The following CACNA2D1 variants were observed in gnomAD, a reference collection of about 807,000 sequenced individuals.
CACNA2D1 encodes the protein calcium voltage-gated channel auxiliary subunit alpha2delta 1.
Under a neutral mutation model 171.5 loss-of-function variants are expected in CACNA2D1, and 53 were observed. The ratio of observed to expected loss-of-function variants is 0.31; its 90% CI spans 0.25 to 0.39. CACNA2D1 has a LOEUF of 0.39. Among genes scored for constraint, CACNA2D1 ranks in the 10% least tolerant of loss-of-function variants. CACNA2D1 has a pLI of 1.00. For missense variants in CACNA2D1, 903 were observed against 1,299.8 expected (o/e 0.69, Z 4.69); for synonymous variants, 442 against 443.1 (o/e 1.00, Z 0.03).
intron 5 of CACNA2D1, among the ~76,000 whole-genome samples, chr7:82,123,340 C>T (rs1789961754): frequency 6.6e-6 from 1 of 152,132 alleles, no homozygotes; most frequent in African/African-American, 2.4e-5. Context: ...TCAGCAGAAA[C>T]TTAGGACTCA....
intron 7 of CACNA2D1, among the ~76,000 whole-genome samples, chr7:82,082,601 A>G (rs1206619593): frequency 1.3e-5 from 2 of 151,790 alleles, no homozygotes. Flanking sequence ...AGGAAAGCAC[A>G]TCAAACAAGA....
chr7:82,101,754 G>A (rs956247495), intron 6 of CACNA2D1, among the ~76,000 whole-genome samples: 2 of 151,946 alleles, frequency 1.3e-5, no homozygotes, highest in South Asian at 2.1e-4. Context: ...GCTTCTTTCC[G>A]TTTTTTACCG....
intron 3 of CACNA2D1, among the ~76,000 whole-genome samples, chr7:82,187,844 C>T (rs1407640567): frequency 6.6e-6 from 1 of 152,008 alleles, no homozygotes; most frequent in Non-Finnish European, 1.5e-5. Context: ...CTGGGAAGTC[C>T]AAGATCAAGG....
chr7:82,008,583 C>T (rs73705438), intron 15 of CACNA2D1, among the ~76,000 whole-genome samples: 20 of 152,044 alleles, frequency 1.3e-4, no homozygotes, highest in Non-Finnish European at 2.1e-4. Context: ...CATTTCATGT[C>T]AAAACTACAT....
chr7:82,332,066 T>C (rs995914331), intron 3 of CACNA2D1, among the ~76,000 whole-genome samples: 2 of 152,170 alleles, frequency 1.3e-5, no homozygotes, highest in Non-Finnish European at 2.9e-5. Context: ...TATTTACTTA[T>C]TTTTATTTTT....
intron 38 of CACNA2D1, among the ~76,000 whole-genome samples, chr7:81,955,226 G>T (rs1194817770): frequency 6.6e-6 from 1 of 151,926 alleles, no homozygotes; most frequent in Non-Finnish European, 1.5e-5. Flanking sequence ...CCGGGTATAA[G>T]GGCCCCTTGG....
At chr7:82,038,378 T>G (rs1181516307) in intron 10 of CACNA2D1, 143 bp from the exon 11 acceptor site, 2 of 712,548 alleles carry the variant, frequency 2.8e-6, no homozygotes, top group Non-Finnish European at 4.6e-6. Context: ...GTGACAAAGG[T>G]GCATTAAGAA....
At chr7:82,163,010 C>T (rs71557118) in intron 4 of CACNA2D1, among the ~76,000 whole-genome samples, 43,285 of 151,848 alleles carry the variant, frequency 0.29, 6,258 homozygotes, top group Middle Eastern at 0.37. Context: ...TCCTCTTTCC[C>T]ACAGTAATAT....
At chr7:82,373,721 T>C (rs1585702722) in intron 1 of CACNA2D1, among the ~76,000 whole-genome samples, 1 of 152,218 alleles carries the variant, frequency 6.6e-6, no homozygotes, top group Non-Finnish European at 1.5e-5. Context: ...CTGAGCTCCT[T>C]AGACACTCTC....
At chr7:82,355,870 A>G (rs12707487) in intron 1 of CACNA2D1, among the ~76,000 whole-genome samples, 48,105 of 151,726 alleles carry the variant, frequency 0.32, 8,648 homozygotes, top group East Asian at 0.47. Context: ...CTCCAGTTCT[A>G]TCTTAACTAC....
chr7:82,350,630 A>T lies in CACNA2D1; in HGVS notation c.96-981T>A, dbSNP rs372632729. On this transcript the variant is annotated intron_variant, in intron 1 of 38. Transcript: ENST00000356860. ...CAGTGAGCTGAGATCGCGCCACTGC[A>T]CTCCAGCTCGGGCGACAGAGTGAGA... is the stretch of plus-strand genomic sequence containing the variant. Among the ~76,000 whole-genome samples the T allele has an allele frequency of 3.5e-4, 54 of 152,312 alleles. No homozygotes were observed. In the East Asian group the frequency reaches 6.4e-3, roughly 18 times the overall value.
chr7:82,404,294 G>A (rs976016534), intron 1 of CACNA2D1, among the ~76,000 whole-genome samples: 41 of 152,186 alleles, frequency 2.7e-4, no homozygotes, highest in Non-Finnish European at 5.6e-4. Flanking sequence ...ATCCAAGAGG[G>A]CACGGCAGGA....
intron 3 of CACNA2D1, among the ~76,000 whole-genome samples, chr7:82,250,113 C>T (rs181959113): frequency 2.8e-4 from 43 of 152,320 alleles, no homozygotes; most frequent in African/African-American, 9.9e-4. Context: ...AACCCACTCC[C>T]ATGATAACTA....
intron 4 of CACNA2D1, among the ~76,000 whole-genome samples, chr7:82,144,173 G>T (rs536378887): frequency 8.8e-4 from 127 of 143,784 alleles, no homozygotes; most frequent in South Asian, 7.9e-3. Flanking sequence ...GCTTCTTGGT[G>T]ATAGGAAAAA....
intron 1 of CACNA2D1, among the ~76,000 whole-genome samples, chr7:82,370,717 T>C (rs2129448212): frequency 6.6e-6 from 1 of 152,268 alleles, no homozygotes; most frequent in South Asian, 2.1e-4. Flanking sequence ...TCTAGGTTTC[T>C]ATCACAAGAA....
Position 82,012,241 on chromosome 7 carries a change from T to C in CACNA2D1, c.1275A>G (p.Glu425=). 6.4e-7 allele frequency: 1 copy of C among 1,574,426 alleles called. No individual in the cohort carries two copies. Among genetic ancestry groups the C allele is most frequent in the Non-Finnish European group, 8.7e-7 (1 of 1,150,782 alleles). Residue 425 remains glutamate (E), a splice_region_variant and synonymous_variant, in exon 15 of 39, where the codon GAA becomes GAG. Coordinates refer to ENST00000356860, the MANE Select transcript of CACNA2D1 (RefSeq NM_000722.4). ...TTGGTCTTCCCAAAACATCCAAATA[T>C]TCCTGTTTATGGGAAAAAAAAAAAA... ...SIGAIRINTQ[E]YLDVLGRPMV...
chr7:82,261,636 C>T (rs1214094825), intron 3 of CACNA2D1, among the ~76,000 whole-genome samples: 1 of 151,910 alleles, frequency 6.6e-6, no homozygotes, highest in East Asian at 1.9e-4. Context: ...AATCGTATCG[C>T]AAAGATTATA....
Position 82,443,265 on chromosome 7 carries a change from C to A in CACNA2D1, c.95+100G>T. On this transcript the variant is annotated intron_variant, in intron 1 of 38. Coordinates refer to ENST00000356860, the MANE Select transcript of CACNA2D1 (RefSeq NM_000722.4). ...GGCTCCCCGGCCGCTCGCTCCCCACCCCCACGGGCGGAAAAGCCCCGCGAC... is the reference window on the plus strand; with the variant it reads ...GGCTCCCCGGCCGCTCGCTCCCCACACCCACGGGCGGAAAAGCCCCGCGAC... 3 of 1,220,102 alleles carry A rather than the reference C, an allele frequency of 2.5e-6. No homozygotes were observed. The East Asian group carries it at 8.8e-5, about 36-fold the overall frequency. The allele number at this position is 1,220,102 out of a possible 1,614,324, so 75.6% of individuals were successfully genotyped here.
chr7:81,969,755 CTA>C (rs1795069925), intron 28 of CACNA2D1, 124 bp downstream of exon 28: 2 of 670,262 alleles, frequency 3.0e-6, no homozygotes, highest in African/African-American at 3.6e-5. Flanking sequence ...TGCAAATACT[CTA>C]TTTTTAATGA....
Sources: gnomAD v4.1 joint callset for allele counts (sites outside exome capture counted in the v4.1 genomes callset) on GRCh38, gnomAD v4.1.1 for gene constraint, MANE v1.5 for transcripts, NCBI Gene and HGNC (gene_info 2026-07-23, HGNC 2026-07-21) for gene names.